The following DRP2 variants were observed in gnomAD, a reference collection of about 807,000 sequenced individuals.
The protein encoded by DRP2 is dystrophin related protein 2, also known as dystrophin-related protein 2.
In DRP2, 29 loss-of-function variants were observed where a neutral mutation model predicts 78.2. The observed-to-expected ratio is 0.37, with a 90% CI of 0.28 to 0.51. The LOEUF is 0.51. Among genes scored for constraint, DRP2 ranks in the 20% least tolerant of loss-of-function variants. The pLI is 0.94. For synonymous variants in DRP2, 290 were observed against 281.9 expected (o/e 1.03, Z -0.29); for missense variants, 686 against 770.6 (o/e 0.89, Z 1.30).
intron 1 of DRP2, among the ~76,000 whole-genome samples, chrX:101,224,191 G>GTTTTTTTT (rs1167730116): frequency 0.019 from 749 of 38,823 alleles, 14 homozygotes; most frequent in East Asian, 0.051. Flanking sequence ...GGTTTTTTTT[G>GTTTTTTTT]TTTTTTTTTT....
In DRP2 at chrX:101,247,145, A is replaced by T. The variant is rs1330447472; in HGVS notation, c.1233A>T (p.Arg411Ser). 2 of 1,208,327 alleles carry T rather than the reference A, an allele frequency of 1.7e-6. No individual in the cohort carries two copies. The highest frequency in any genetic ancestry group is 3.5e-5 in the African/African-American group (2 of 56,979). Residue 411 changes from arginine to serine, a missense_variant, in exon 12 of 24, where the codon AGA becomes AGT. By Grantham distance (110) the Arg-to-Ser change is moderately radical. Transcript: ENST00000395209. ...SAYRTAMKLR[R>S]VQKALRLDLV... Reference sequence around the variant, plus strand: ...ATCGCACTGCCATGAAACTCCGCAGAGTCCAGAAAGCCCTGCGCTGTACGT... The same window carrying T: ...ATCGCACTGCCATGAAACTCCGCAGTGTCCAGAAAGCCCTGCGCTGTACGT...
At position 101,248,145 on chromosome X, in the gene DRP2, G is replaced by A; in HGVS notation, c.1309G>A (p.Ala437Thr). The change falls in exon 13 of 24, where the codon GCC (alanine) becomes ACC (threonine). Residue 437 changes from alanine (A) to threonine (T), a missense_variant. This residue lies in a region of DRP2 where 423 missense variants were observed against 531.5 expected (regional missense o/e 0.80). Transcript: ENST00000395209. ...AATCTTCAATGAGCATGATCTGCAG[G>A]CCAGTGAGCACGTGATGGATGTGGT... ...LEIFNEHDLQ[A>T]SEHVMDVVEV... 5 of 1,211,523 alleles carry A rather than the reference G, an allele frequency of 4.1e-6. No homozygotes were observed. The highest frequency in any genetic ancestry group is 5.6e-6 in the Non-Finnish European group (5 of 895,435).
intron 3 of DRP2, among the ~76,000 whole-genome samples, chrX:101,232,702 A>G (rs1219285149): frequency 1.8e-5 from 2 of 112,036 alleles, no homozygotes; most frequent in Admixed American, 1.9e-4. Context: ...CTAGAAAGAA[A>G]TTACTGCCTC....
At chrX:101,225,254 G>C (rs1216563105) in intron 2 of DRP2, among the ~76,000 whole-genome samples, 1 of 111,116 alleles carries the variant, frequency 9.0e-6, no homozygotes, top group Non-Finnish European at 1.9e-5. Context: ...GCTTGGGCTC[G>C]CACCTGGTGG....
chrX:101,255,353 G>A, intron 20 of DRP2, 104 bp downstream of exon 20: 2 of 850,953 alleles, frequency 2.4e-6, no homozygotes, highest in South Asian at 4.6e-5. Flanking sequence ...GTGTGTGGTG[G>A]TTAGGATCCT....
intron 1 of DRP2, among the ~76,000 whole-genome samples, chrX:101,220,579 C>T (rs1177525205): frequency 9.1e-6 from 1 of 110,184 alleles, no homozygotes; most frequent in African/African-American, 3.3e-5. Context: ...TACTTCTTGG[C>T]AGGAGGGAAG....
At chrX:101,257,420 A>G (rs1294592095) in intron 21 of DRP2, among the ~76,000 whole-genome samples, 1 of 83,862 alleles carries the variant, frequency 1.2e-5, no homozygotes, top group African/African-American at 5.0e-5. Context: ...TGACCAGTCC[A>G]AGGCAAGATA....
chrX:101,224,406 C>A (rs200102535), intron 1 of DRP2, among the ~76,000 whole-genome samples, 198 bp from the exon 2 acceptor site: 2 of 1,220 alleles, frequency 1.6e-3, no homozygotes, highest in African/African-American at 2.8e-3. Flanking sequence ...AAAAAAAAAA[C>A]AAAAAAAAGC....
chrX:101,244,441 C>T (rs1033021403), intron 9 of DRP2, among the ~76,000 whole-genome samples: 4 of 111,607 alleles, frequency 3.6e-5, no homozygotes, highest in Admixed American at 9.5e-5. Context: ...ACTCTTGTAC[C>T]GAGGAAAACT....
chrX:101,241,474 T>TAA (rs200908628), intron 6 of DRP2, among the ~76,000 whole-genome samples, 194 bp from the exon 7 acceptor site: 1 of 110,030 alleles, frequency 9.1e-6, no homozygotes, highest in African/African-American at 3.3e-5. Flanking sequence ...AGTTTTTTTT[T>TAA]AAAAAAAACG....
intron 2 of DRP2, among the ~76,000 whole-genome samples, chrX:101,228,252 C>G (rs1922187924): frequency 8.9e-6 from 1 of 112,106 alleles, no homozygotes; most frequent in Non-Finnish European, 1.9e-5. Context: ...CAAGGTTGTT[C>G]ACTGCACTTT....
Position 101,235,908 on chromosome X carries a change from G to T in DRP2, c.166G>T (p.Val56Phe). 2.5e-6 allele frequency: 3 copies of T among 1,211,641 alleles called. No homozygotes were observed. The highest frequency in any genetic ancestry group is 3.4e-6 in the Non-Finnish European group (3 of 895,355). Residue 56 changes from valine (V) to phenylalanine (F), a missense_variant, in exon 4 of 24, where the codon GTT becomes TTT. By Grantham distance (50) the Val-to-Phe change is conservative. Around this residue, in one of 2 missense-constraint regions of DRP2, gnomAD observed 263 missense variants for 239.1 expected, o/e 1.10. Transcript: ENST00000395209. ...TGCACCTCCTCAAGATGGTGCTGGG[G>T]TTCCCTGCCTAAGCCTAAAGCTGTT... ...SPAPPQDGAG[V>F]PCLSLKLLNG...
Position 101,252,674 on chromosome X carries a change from A to G in DRP2, c.1935A>G (p.Lys645=). 1 of 1,211,936 alleles carries G rather than the reference A, an allele frequency of 8.3e-7. No homozygotes were observed. Among genetic ancestry groups the G allele is most frequent in the Non-Finnish European group, 1.1e-6 (1 of 895,475 alleles). The part of the protein sequence containing the change: ...QTCFLTGRAS[K]GNKLHYPIME... Reference sequence around the variant, plus strand: ...GCTTCTTGACAGGCAGGGCCAGCAAAGGCAATAAGCTGCACTACCCCATCA... The same window carrying G: ...GCTTCTTGACAGGCAGGGCCAGCAAGGGCAATAAGCTGCACTACCCCATCA... The change falls in exon 17 of 24, where the codon AAA becomes AAG. Residue 645 remains lysine, a synonymous_variant. Transcript: ENST00000395209.
chrX:101,222,136 A>G (rs58916150), intron 1 of DRP2, among the ~76,000 whole-genome samples: 1,728 of 111,025 alleles, frequency 0.016, 47 homozygotes, highest in African/African-American at 0.054. Flanking sequence ...CCGAATTCTC[A>G]TTTTGGAGAG....
Position 101,263,091 on chromosome X carries a change from G to T in DRP2, c.*2470G>T, listed in dbSNP as rs1194684278. ...TCAAGAGTTGAATTCTCACTAAGGG[G>T]TCACTGACATTTTGTGGTCCTGTGT... On this transcript the variant is annotated 3_prime_UTR_variant, in exon 24 of 24. Coordinates refer to ENST00000395209, the MANE Select transcript of DRP2 (RefSeq NM_001939.3). 9.0e-6 allele frequency: 1 copy of T among 111,480 alleles called. No individual in the cohort carries two copies. Among genetic ancestry groups the T allele is most frequent in the African/African-American group, 3.3e-5 (1 of 30,584 alleles). 9.2% of individuals were successfully genotyped at this position (111,480 alleles called of 1,213,427 possible).
chrX:101,263,176 T>C lies in DRP2; in HGVS notation c.*2555T>C, dbSNP rs1475972. On this transcript the variant is annotated 3_prime_UTR_variant, in exon 24 of 24. Transcript: ENST00000395209. Reference sequence around the variant, plus strand: ...GGGTCCAGGGACAGTCACTGCAGTATGTGTGGGGAATTTTCCCACAGTAAG... The same window carrying C: ...GGGTCCAGGGACAGTCACTGCAGTACGTGTGGGGAATTTTCCCACAGTAAG... The C allele has an allele frequency of 0.35, 38,881 of 110,836 alleles. 4,946 individuals are homozygous for C. Among genetic ancestry groups the C allele is most frequent in the Middle Eastern group, 0.45 (98 of 216 alleles). The allele number at this position is 110,836 out of a possible 1,213,427, so 9.1% of individuals were successfully genotyped here. A position where few individuals can be genotyped will look rare whatever the true frequency, so the allele number is the denominator to read the frequency against.
chrX:101,242,247 G>A (rs760548891), intron 7 of DRP2, 78 bp from the exon 8 acceptor site: 17 of 1,151,793 alleles, frequency 1.5e-5, no homozygotes, highest in Non-Finnish European at 2.0e-5. Context: ...TGGGTGAAGA[G>A]GGAAGAGTAG....
intron 3 of DRP2, among the ~76,000 whole-genome samples, chrX:101,233,824 C>T (rs1922392331): frequency 8.9e-6 from 1 of 111,936 alleles, no homozygotes; most frequent in African/African-American, 3.2e-5. Flanking sequence ...GACCCCTTTC[C>T]CTCCCCTGTG....
At chrX:101,231,399 A>G (rs1225249412) in intron 2 of DRP2, 186 bp from the exon 3 acceptor site, 5 of 384,566 alleles carry the variant, frequency 1.3e-5, no homozygotes, top group Non-Finnish European at 2.3e-5. Context: ...AAAGCACTAT[A>G]GGTAAACAAT....
Sources: allele counts gnomAD v4.1 joint callset (sites outside exome capture counted in the v4.1 genomes callset), GRCh38; gene constraint gnomAD v4.1.1; regional missense constraint gnomAD v4.1.1; transcripts MANE v1.5; gene names NCBI Gene and HGNC (gene_info 2026-07-23, HGNC 2026-07-21).